The following SLC30A8 variants were observed in gnomAD, a reference collection of about 807,000 sequenced individuals.
SLC30A8 encodes proton-coupled zinc antiporter SLC30A8.
In SLC30A8, 27 loss-of-function variants were observed where a neutral mutation model predicts 36.9. That is an observed-to-expected ratio of 0.73 (90% CI 0.54 to 1.01). The LOEUF (loss-of-function observed/expected upper bound fraction) is 1.01. Ranked by LOEUF, SLC30A8 falls within the 50% of genes least tolerant of loss-of-function variation. SLC30A8 has a pLI of 0.00. For missense variants in SLC30A8, 439 were observed against 452.0 expected (o/e 0.97, Z 0.26); for synonymous variants, 164 against 172.4 (o/e 0.95, Z 0.38).
At chr8:117,081,840 G>C (rs892427827) in intron 2 of SLC30A8, among the ~76,000 whole-genome samples, 6 of 152,148 alleles carry the variant, frequency 3.9e-5, no homozygotes, top group Non-Finnish European at 7.4e-5. Flanking sequence ...TGTGAAGTCT[G>C]GATCAAATAG....
chr8:117,083,368 A>G (rs1343119219), intron 2 of SLC30A8, among the ~76,000 whole-genome samples: 4 of 152,168 alleles, frequency 2.6e-5, no homozygotes, highest in Non-Finnish European at 5.9e-5. Flanking sequence ...ACTCAAGGTC[A>G]TAACCTCTCT....
intron 1 of SLC30A8, among the ~76,000 whole-genome samples, chr8:117,025,694 T>C (rs1006714020): frequency 2.0e-5 from 3 of 152,214 alleles, no homozygotes; most frequent in Admixed American, 6.5e-5. Flanking sequence ...GAAAATCTGA[T>C]TGCCTTTTCA....
intron 1 of SLC30A8, among the ~76,000 whole-genome samples, chr8:117,141,163 C>T (rs1821634297): frequency 2.6e-5 from 4 of 152,038 alleles, no homozygotes; most frequent in Admixed American, 2.6e-4. Context: ...AAATACACTT[C>T]CCAACTCATT....
intron 1 of SLC30A8, among the ~76,000 whole-genome samples, chr8:116,987,614 A>G (rs915956652): frequency 8.7e-5 from 13 of 148,698 alleles, no homozygotes; most frequent in African/African-American, 1.6e-4. Context: ...TCTCACTACT[A>G]TTTACCAAAA....
intron 2 of SLC30A8, among the ~76,000 whole-genome samples, chr8:117,046,908 T>G (rs1817570152): frequency 6.6e-6 from 1 of 152,176 alleles, no homozygotes; most frequent in African/African-American, 2.4e-5. Context: ...AGCCTCTCCT[T>G]TTTCTAAATT....
chr8:117,021,881 G>A (rs1001646), intron 1 of SLC30A8, among the ~76,000 whole-genome samples: 98,053 of 151,942 alleles, frequency 0.65, 32,634 homozygotes, highest in African/African-American at 0.81. Context: ...AATTTATGAC[G>A]GAAGGGCTGC....
At chr8:116,998,323 G>C (rs1362548337) in intron 1 of SLC30A8, among the ~76,000 whole-genome samples, 2 of 152,180 alleles carry the variant, frequency 1.3e-5, no homozygotes, top group Admixed American at 6.5e-5. Context: ...CAGAAATTTG[G>C]CTTCTTCAAG....
Position 117,146,231 on chromosome 8 carries a change from CTAAAT to C in SLC30A8, c.72-720_72-716del, listed in dbSNP as rs138602795. The stretch of plus-strand genomic sequence containing the variant: ...AATGTATTAAATTATCACATGTACC[CTAAAT>C]TAGTTATATTTATTATGCATCAATA... On this transcript the variant is annotated intron_variant, in intron 1 of 7. Coordinates refer to ENST00000456015, the MANE Select transcript of SLC30A8 (RefSeq NM_173851.3). Among the ~76,000 whole-genome samples the C allele has an allele frequency of 2.3e-3, 343 of 151,874 alleles. 1 individual carries two copies. Among genetic ancestry groups the C allele is most frequent in the African/African-American group, 7.8e-3 (323 of 41,382 alleles).
At chr8:117,146,799 C>T (rs1277588946) in intron 1 of SLC30A8, 155 bp from the exon 2 acceptor site, 34 of 1,426,868 alleles carry the variant, frequency 2.4e-5, no homozygotes, top group East Asian at 7.6e-5. Context: ...TTGTTTCTAA[C>T]ACTTGATATT....
intron 1 of SLC30A8, among the ~76,000 whole-genome samples, chr8:116,977,826 A>G (rs535261750): frequency 7.9e-5 from 12 of 152,138 alleles, no homozygotes; most frequent in South Asian, 2.1e-4. Flanking sequence ...ACCACTTTCT[A>G]TTGGATGTGG....
rs542851310 is a variant in SLC30A8 at position 117,043,888 on chromosome 8, T to G, written c.-226+4630T>G. 1.6e-3 allele frequency among the ~76,000 whole-genome samples: 247 copies of G among 152,306 alleles called. 5 individuals are homozygous for G. The highest frequency in any genetic ancestry group is 1.5e-3 in the Non-Finnish European group (102 of 68,014). ...TATGTTTTTTAGTTCTGCAATTATT[T>G]TATTCAATAAGTGTTGAGGAGGCAA... On this transcript the variant is annotated intron_variant, in intron 2 of 10. Coordinates refer to the SLC30A8 transcript ENST00000427715.
At chr8:117,028,910 G>A (rs1021226568) in intron 1 of SLC30A8, among the ~76,000 whole-genome samples, 3 of 152,000 alleles carry the variant, frequency 2.0e-5, no homozygotes, top group African/African-American at 7.2e-5. Flanking sequence ...AAATCAGTAT[G>A]AGTTTTCATT....
chr8:116,972,178 C>A (rs1224586849), intron 1 of SLC30A8, among the ~76,000 whole-genome samples: 1 of 152,170 alleles, frequency 6.6e-6, no homozygotes, highest in African/African-American at 2.4e-5. Flanking sequence ...TAAATTTACA[C>A]CTCACCCTCT....
chr8:116,958,183 A>G (rs1263858469), intron 1 of SLC30A8, among the ~76,000 whole-genome samples: 2 of 152,222 alleles, frequency 1.3e-5, no homozygotes, highest in African/African-American at 2.4e-5. Context: ...TATTCTGCAC[A>G]TGGGCCCTCA....
intron 2 of SLC30A8, among the ~76,000 whole-genome samples, chr8:117,045,286 G>A (rs1001393038): frequency 2.6e-5 from 4 of 152,128 alleles, no homozygotes; most frequent in Non-Finnish European, 4.4e-5. Flanking sequence ...TAACATCAGG[G>A]AAGAATATTG....
intron 2 of SLC30A8, among the ~76,000 whole-genome samples, chr8:117,127,987 A>G (rs1820976304): frequency 6.6e-6 from 1 of 152,078 alleles, no homozygotes; most frequent in Admixed American, 6.6e-5. Context: ...AGAGAGCAGA[A>G]GTTACATCTG....
At chr8:117,098,489 C>T (rs2130851208) in intron 2 of SLC30A8, among the ~76,000 whole-genome samples, 1 of 152,268 alleles carries the variant, frequency 6.6e-6, no homozygotes. Context: ...TCCCTCCTAT[C>T]CACGGATGCG....
chr8:117,066,752 A>G (rs1487364760), intron 2 of SLC30A8, among the ~76,000 whole-genome samples: 1 of 152,122 alleles, frequency 6.6e-6, no homozygotes, highest in Non-Finnish European at 1.5e-5. Context: ...ACTTTTGGCA[A>G]TAAAGGATAG....
At chr8:116,958,841 A>AT (rs758505118) in intron 1 of SLC30A8, among the ~76,000 whole-genome samples, 27,871 of 60,194 alleles carry the variant, frequency 0.46, 11,190 homozygotes, top group Non-Finnish European at 0.55. Flanking sequence ...TGCTCTTTTC[A>AT]TTTTTTTTTT....
Sources: gnomAD v4.1 joint callset for allele counts (sites outside exome capture counted in the v4.1 genomes callset) on GRCh38, gnomAD v4.1.1 for gene constraint, MANE v1.5 for transcripts, NCBI Gene and HGNC (gene_info 2026-07-23, HGNC 2026-07-21) for gene names.